ARHGEF2: variants seen among roughly 807,000 people sequenced by gnomAD.
ARHGEF2 encodes Rho/Rac guanine nucleotide exchange factor 2.
In ARHGEF2, 22 loss-of-function variants were observed where a neutral mutation model predicts 121.0. The observed-to-expected ratio is 0.18, with a 90% CI of 0.13 to 0.26. ARHGEF2 has a LOEUF of 0.26. Ranked by LOEUF, ARHGEF2 falls within the 10% of genes least tolerant of loss-of-function variation. The probability of loss-of-function intolerance (pLI) is 1.00; values close to 1 mark genes in which losing one functional copy is unlikely to be tolerated. For missense variants in ARHGEF2, 907 were observed against 1,336.0 expected (o/e 0.68, Z 5.01); for synonymous variants, 487 against 530.0 (o/e 0.92, Z 1.11).
chr1:155,977,987 C>G (rs1261794086), intron 1 of ARHGEF2: 2 of 732,094 alleles, frequency 2.7e-6, no homozygotes, highest in African/African-American at 3.7e-5. Flanking sequence ...CGGTGGGGCC[C>G]GGGGTGAGAG....
rs200151559 is a variant in ARHGEF2, at chr1:155,965,686, G to A, written c.415C>T (p.Arg139Cys). The A allele has an allele frequency of 1.9e-4, 298 of 1,609,708 alleles. No homozygotes were observed. Among genetic ancestry groups the A allele is most frequent in the Non-Finnish European group, 2.3e-4 (266 of 1,178,988 alleles). ...GCTAAAGACAAGGAGGAGCGGCCAC[G>A]GCGGGAGCCCAGGAGGGACTGCCGG... ...SFRQSLLGSR[R>C]GRSSLSLAKS... Residue 139 changes from arginine to cysteine, a missense_variant, in exon 5 of 22, where the codon CGT (arginine) becomes TGT (cysteine). This residue lies in a region of ARHGEF2 where 475 missense variants were observed against 776.5 expected (regional missense o/e 0.61). Coordinates refer to ENST00000361247, the MANE Select transcript of ARHGEF2 (RefSeq NM_001162383.2). The surrounding 1 kb of genome is among the most constrained non-coding windows in gnomAD (Gnocchi z 6.0).
chr1:155,963,320 A>T, intron 7 of ARHGEF2, 137 bp from the exon 8 acceptor site: 2 of 683,128 alleles, frequency 2.9e-6, no homozygotes, highest in Non-Finnish European at 4.7e-6. Flanking sequence ...TTATGATCTT[A>T]GATACTTTTC....
At chr1:155,978,777 A>C, upstream of ARHGEF2, 1 of 885,388 alleles carries the variant, frequency 1.1e-6, no homozygotes, top group Non-Finnish European at 1.4e-6. The surrounding 1 kb of genome is among the most constrained non-coding windows in gnomAD (Gnocchi z 4.1). Flanking sequence ...AGCCCCAGAG[A>C]CCCGCCTCTT....
Position 155,962,048 on chromosome 1 carries a change from T to C in ARHGEF2, c.1219+57A>G, listed in dbSNP as rs2102659281. The C allele has an allele frequency of 2.5e-6, 4 of 1,609,196 alleles. No individual in the cohort carries two copies. The highest frequency in any genetic ancestry group is 3.4e-6 in the Non-Finnish European group (4 of 1,176,134). On this transcript the variant is annotated intron_variant, in intron 10 of 21. Coordinates refer to ENST00000361247, the MANE Select transcript of ARHGEF2 (RefSeq NM_001162383.2). The surrounding 1 kb of genome is among the most constrained non-coding windows in gnomAD (Gnocchi z 5.8). ...ACCCTTCCTGTGGTCATACCGAGCC[T>C]TTCCTCACCCCAGGTGGCCGTCTCC...
At chr1:155,966,673 C>T (rs943287660) in intron 3 of ARHGEF2, 147 bp downstream of exon 3, 16 of 1,079,658 alleles carry the variant, frequency 1.5e-5, no homozygotes, top group South Asian at 5.5e-5. Context: ...ACTTGGGGCC[C>T]GAGGCCTGGG....
At chr1:155,974,123 C>T (rs887440088) in intron 1 of ARHGEF2, among the ~76,000 whole-genome samples, 2 of 152,100 alleles carry the variant, frequency 1.3e-5, no homozygotes, top group Non-Finnish European at 2.9e-5. Flanking sequence ...TGAGCTCATG[C>T]GATCCAGCTG....
At chr1:155,954,841 TA>T in intron 14 of ARHGEF2, 60 bp downstream of exon 14, 2 of 1,478,744 alleles carry the variant, frequency 1.4e-6, no homozygotes, top group Non-Finnish European at 1.9e-6. Context: ...AACAGTTGCA[TA>T]ATATTCCATT....
chr1:155,954,953 C>T lies in ARHGEF2; in HGVS notation c.1732G>A (p.Asp578Asn). 6.2e-7 allele frequency: 1 copy of T among 1,611,458 alleles called. No individual in the cohort carries two copies. Among genetic ancestry groups the T allele is most frequent in the East Asian group, 2.2e-5 (1 of 44,800 alleles). ...TCCTCTGTCTCAATCAGGGGGAAGT[C>T]CTCCCTGGATGGGCATCTGGAGGGG... ...QSVRTCPSRE[D>N]FPLIETEDEA... is the part of the protein sequence containing the mutation. Residue 578 changes from aspartate to asparagine, a missense_variant, in exon 14 of 22, where the codon GAC becomes AAC. Coordinates refer to ENST00000361247, the MANE Select transcript of ARHGEF2 (RefSeq NM_001162383.2).
chr1:155,953,687 A>G (rs1675978661), intron 14 of ARHGEF2, among the ~76,000 whole-genome samples: 2 of 147,404 alleles, frequency 1.4e-5, no homozygotes, highest in Admixed American at 6.9e-5. Context: ...GGTTGCAGTG[A>G]GTCGAGATCA....
Position 155,965,300 on chromosome 1 carries a change from C to A in ARHGEF2, c.580+3G>T. 1.2e-6 allele frequency: 2 copies of A among 1,614,008 alleles called. No individual in the cohort carries two copies. Among genetic ancestry groups the A allele is most frequent in the East Asian group, 2.2e-5 (1 of 44,878 alleles). ...GGGCTCCCCTGGGCCCAGGCCTGCT[C>A]ACCTTCGTCAATGAGGGATTCCACG... On this transcript the variant is annotated splice_donor_region_variant and intron_variant, in intron 6 of 21. Coordinates refer to ENST00000361247, the MANE Select transcript of ARHGEF2 (RefSeq NM_001162383.2). The surrounding 1 kb of genome is among the most constrained non-coding windows in gnomAD (Gnocchi z 6.0).
At chr1:155,956,887 CAAA>C (rs34831517) in intron 13 of ARHGEF2, among the ~76,000 whole-genome samples, 4 of 80,426 alleles carry the variant, frequency 5.0e-5, no homozygotes, top group Non-Finnish European at 2.3e-5. Flanking sequence ...ACTCTGTCTC[CAAA>C]AAAAAAAAAA....
At chr1:155,963,245 A>G in intron 7 of ARHGEF2, 62 bp from the exon 8 acceptor site, 1 of 1,566,028 alleles carries the variant, frequency 6.4e-7, no homozygotes, top group Non-Finnish European at 8.7e-7. Context: ...GTGGGGCCCT[A>G]GGATAAGGAC....
chr1:155,970,287 C>A, intron 1 of ARHGEF2: 1 of 985,592 alleles, frequency 1.0e-6, no homozygotes. Flanking sequence ...TCTCCCATTT[C>A]CCCCAGTGCC....
chr1:155,950,762 A>G lies in ARHGEF2; in HGVS notation c.2703+67T>C. 6.8e-7 allele frequency: 1 copy of G among 1,472,996 alleles called. No individual in the cohort carries two copies. The highest frequency in any genetic ancestry group is 9.1e-7 in the Non-Finnish European group (1 of 1,095,784). 91.2% of individuals were successfully genotyped at this position (1,472,996 alleles called of 1,614,324 possible). A position where few individuals can be genotyped will look rare whatever the true frequency, so the allele number is the denominator to read the frequency against. On this transcript the variant is annotated intron_variant, in intron 20 of 21. Coordinates refer to ENST00000361247, the MANE Select transcript of ARHGEF2 (RefSeq NM_001162383.2). This position sits in a 1 kb window ranked among gnomAD's most constrained non-coding sequence, Gnocchi z 5.2. ...TTGGGCTCAAATCCCCAATGGCCCA[A>G]TTTCTTTCGGGCTCCATGGACCCTT...
Position 155,962,866 on chromosome 1 carries a change from C to G in ARHGEF2, c.975+67G>C, listed in dbSNP as rs558998137. The G allele has an allele frequency of 3.1e-6, 5 of 1,605,764 alleles. No individual in the cohort carries two copies. The highest frequency in any genetic ancestry group is 1.7e-4 in the Middle Eastern group (1 of 6,018). On this transcript the variant is annotated intron_variant, in intron 8 of 21. Transcript: ENST00000361247. The surrounding 1 kb of genome is among the most constrained non-coding windows in gnomAD (Gnocchi z 5.8). ...CCCTCCAACCCCTAGAATTTGGACC[C>G]AAGAAATGCCCAACCCAGTCACACC... is the stretch of plus-strand genomic sequence containing the variant.
At chr1:155,970,123 C>T in intron 1 of ARHGEF2, 1 of 985,426 alleles carries the variant, frequency 1.0e-6, no homozygotes, top group Non-Finnish European at 1.2e-6. Context: ...AGAGTTAAAA[C>T]CTAGGAGAGT....
chr1:155,949,164 A>T (rs1284093173), intron 21 of ARHGEF2, among the ~76,000 whole-genome samples: 1 of 151,966 alleles, frequency 6.6e-6, no homozygotes, highest in African/African-American at 2.4e-5. Context: ...GAGGCAGGAG[A>T]ATCACTTGAA....
chr1:155,978,078 T>C lies in ARHGEF2; in HGVS notation c.63+287A>G. 8.5e-7 allele frequency: 1 copy of C among 1,175,020 alleles called. No homozygotes were observed. Among genetic ancestry groups the C allele is most frequent in the Non-Finnish European group, 1.1e-6 (1 of 950,102 alleles). The allele number at this position is 1,175,020 out of a possible 1,614,324, so 72.8% of individuals were successfully genotyped here. Reference sequence around the variant, plus strand: ...GCTCCGTCCCTTACCGGAGCAACTTTCTTTCAAGCGGCCTAAAGCACTCGG... The same window carrying C: ...GCTCCGTCCCTTACCGGAGCAACTTCCTTTCAAGCGGCCTAAAGCACTCGG... On this transcript the variant is annotated intron_variant, in intron 1 of 21. Transcript: ENST00000361247. The surrounding 1 kb of genome is among the most constrained non-coding windows in gnomAD (Gnocchi z 4.1).
At chr1:155,957,606 C>T in intron 13 of ARHGEF2, 107 bp downstream of exon 13, 1 of 1,317,914 alleles carries the variant, frequency 7.6e-7, no homozygotes, top group Non-Finnish European at 1.0e-6. Context: ...ACCTCTTCCC[C>T]CACCTCTGAA....
Sources: gnomAD v4.1 joint callset for allele counts (sites outside exome capture counted in the v4.1 genomes callset) on GRCh38, gnomAD v4.1.1 for gene constraint, gnomAD v4.1.1 regional missense constraint, Gnocchi (gnomAD v3.1) non-coding constraint, MANE v1.5 for transcripts, NCBI Gene and HGNC (gene_info 2026-07-23, HGNC 2026-07-21) for gene names.